Variants in MSL2 observed in about 807,000 individuals in gnomAD.
The protein encoded by MSL2 is MSL complex subunit 2.
MSL2 carries 2 observed loss-of-function variants against 35.8 expected under a neutral mutation model. The observed-to-expected ratio is 0.06, with a 90% CI of 0.02 to 0.18. MSL2 has a LOEUF of 0.18. Among genes scored for constraint, MSL2 ranks in the 10% least tolerant of loss-of-function variants. The pLI is 1.00. For missense variants in MSL2, 523 were observed against 706.7 expected, an observed-to-expected ratio of 0.74 and a Z score of 2.95; for synonymous variants, 296 against 255.7, an observed-to-expected ratio of 1.16 and a Z score of -1.50.
chr3:136,151,874 G>A lies in MSL2; in HGVS notation c.1007C>T (p.Ala336Val). Residue 336 changes from alanine to valine, a missense_variant, in exon 2 of 2, where the codon GCA (alanine) becomes GTA (valine). Ala to Val is a moderately conservative substitution (Grantham distance 64, BLOSUM62 0). Around this residue, in one of 5 missense-constraint regions of MSL2, gnomAD observed 361 missense variants for 414.6 expected, o/e 0.87. Transcript: ENST00000309993. This position sits in a 1 kb window ranked among gnomAD's most constrained non-coding sequence, Gnocchi z 5.2. ...TCTGGATCGTTTTCTATTCAATTTT[G>A]CTATCTTCGGAGTTGCTGCTGTACA... ...LSCTAATPKI[A>V]KLNRKRSRSE... 6.2e-7 allele frequency: 1 copy of A among 1,614,114 alleles called. No homozygotes were observed. The highest frequency in any genetic ancestry group is 1.1e-5 in the South Asian group (1 of 91,084).
In MSL2 at chr3:136,195,530, C is replaced by G. The variant is rs1940813339; in HGVS notation, c.-417G>C. On this transcript the variant is annotated 5_prime_UTR_variant, in exon 1 of 2. Coordinates refer to ENST00000309993, the MANE Select transcript of MSL2 (RefSeq NM_018133.4). Reference sequence around the variant, plus strand: ...GAGCTGGCAGGCGCGGGAGCAGGCCCCGGCCCCGTCTGAGGCGCGGCACGC... The same window carrying G: ...GAGCTGGCAGGCGCGGGAGCAGGCCGCGGCCCCGTCTGAGGCGCGGCACGC... 2 of 1,007,504 alleles carry G rather than the reference C, an allele frequency of 2.0e-6. No homozygotes were observed. The highest frequency in any genetic ancestry group is 6.0e-5 in the Admixed American group (1 of 16,782). The allele number at this position is 1,007,504 out of a possible 1,614,324, so 62.4% of individuals were successfully genotyped here.
chr3:136,180,480 T>A (rs988208301), intron 1 of MSL2, among the ~76,000 whole-genome samples: 5 of 151,680 alleles, frequency 3.3e-5, no homozygotes, highest in African/African-American at 4.8e-5. Flanking sequence ...GGTGGGCAGA[T>A]CACGAGATCA....
At chr3:136,182,296 T>C (rs1039469947) in intron 1 of MSL2, among the ~76,000 whole-genome samples, 1 of 152,344 alleles carries the variant, frequency 6.6e-6, no homozygotes, top group Middle Eastern at 3.4e-3. Flanking sequence ...AGTGGCTTTG[T>C]ATAAAATGTA....
chr3:136,157,058 CAA>C (rs1939552712), intron 1 of MSL2, among the ~76,000 whole-genome samples: 1 of 152,066 alleles, frequency 6.6e-6, no homozygotes, highest in East Asian at 1.9e-4. Context: ...AATAAAAAAG[CAA>C]AGTCTCAAGT....
chr3:136,194,824 G>T, intron 1 of MSL2, 148 bp downstream of exon 1: 1 of 1,286,658 alleles, frequency 7.8e-7, no homozygotes, highest in Non-Finnish European at 1.1e-6. Flanking sequence ...AAGTCCCTCA[G>T]CAAGTTTCAA....
intron 1 of MSL2, among the ~76,000 whole-genome samples, chr3:136,175,434 C>T (rs901720314): frequency 6.6e-6 from 1 of 151,778 alleles, no homozygotes; most frequent in Non-Finnish European, 1.5e-5. Flanking sequence ...ACTTACAATA[C>T]CAGCATTTTG....
chr3:136,188,439 G>GA (rs35989218), intron 1 of MSL2, among the ~76,000 whole-genome samples: 2,988 of 101,298 alleles, frequency 0.029, 91 homozygotes, highest in Admixed American at 0.11. Context: ...TCTGGAAGAA[G>GA]AAAAAAAAAA....
intron 1 of MSL2, among the ~76,000 whole-genome samples, chr3:136,177,981 C>G (rs1940230513): frequency 1.3e-5 from 2 of 152,038 alleles, no homozygotes. Context: ...TTGGGTAAGT[C>G]AGTACTTTAT....
Position 136,195,053 on chromosome 3 carries a change from C to A in MSL2, c.61G>T (p.Asp21Tyr). ...ISASRLVLNY[D>Y]PGDPKAFTEI... ...GTAAACGCCTTGGGGTCTCCGGGGTCGTAGTTGAGCACTAGGCGGCTCGCG... is the reference window on the plus strand; with the variant it reads ...GTAAACGCCTTGGGGTCTCCGGGGTAGTAGTTGAGCACTAGGCGGCTCGCG... The change falls in exon 1 of 2, where the codon GAC becomes TAC. Residue 21 changes from aspartate (D) to tyrosine (Y), a missense_variant. Asp to Tyr is a radical substitution (Grantham distance 160). Around this residue, in one of 5 missense-constraint regions of MSL2, gnomAD observed 45 missense variants for 47.5 expected, o/e 0.95. Coordinates refer to ENST00000309993, the MANE Select transcript of MSL2 (RefSeq NM_018133.4). 6.2e-7 allele frequency: 1 copy of A among 1,614,054 alleles called. No homozygotes were observed. Among genetic ancestry groups the A allele is most frequent in the South Asian group, 1.1e-5 (1 of 91,064 alleles).
Position 136,193,819 on chromosome 3 carries a change from GACTT to G in MSL2, c.142+1149_142+1152del, listed in dbSNP as rs1200703239. Among the ~76,000 whole-genome samples, 5 of 152,208 alleles carry G rather than the reference GACTT, an allele frequency of 3.3e-5. No homozygotes were observed. In the East Asian group the frequency reaches 9.7e-4, roughly 29 times the overall value. ...GTCACCAGTCAGAGTAGCACTTAAT[GACTT>G]ACTCAGTTACTTAAATGTTTATGAC... On this transcript the variant is annotated intron_variant, in intron 1 of 1. Transcript: ENST00000309993.
intron 1 of MSL2, among the ~76,000 whole-genome samples, chr3:136,153,689 C>G (rs1343777101): frequency 1.3e-5 from 2 of 151,936 alleles, no homozygotes; most frequent in East Asian, 1.9e-4. Flanking sequence ...GCTAGGGAGG[C>G]TGAGGCAGGA....
chr3:136,167,231 C>CT (rs1939877417), intron 1 of MSL2, among the ~76,000 whole-genome samples: 1 of 151,912 alleles, frequency 6.6e-6, no homozygotes, highest in Admixed American at 6.6e-5. Flanking sequence ...CAACAAGAGA[C>CT]TTTATCAATC....
chr3:136,195,408 G>C lies in MSL2; in HGVS notation c.-295C>G. On this transcript the variant is annotated 5_prime_UTR_variant, in exon 1 of 2. Coordinates refer to ENST00000309993, the MANE Select transcript of MSL2 (RefSeq NM_018133.4). ...GAGCGCAGAACGCGGCGGCTTGGGC[G>C]CTCGGGGCGGGACTCGGAGCTCAGT... The C allele has an allele frequency of 8.8e-7, 1 of 1,135,886 alleles. No homozygotes were observed. The highest frequency in any genetic ancestry group is 2.5e-5 in the South Asian group (1 of 40,672). 70.4% of individuals were successfully genotyped at this position (1,135,886 alleles called of 1,614,324 possible).
intron 1 of MSL2, among the ~76,000 whole-genome samples, chr3:136,169,626 T>G (rs1486808736): frequency 6.6e-6 from 1 of 151,982 alleles, no homozygotes; most frequent in Non-Finnish European, 1.5e-5. Flanking sequence ...TATTTTGTAT[T>G]TTTAGTAGAG....
intron 1 of MSL2, among the ~76,000 whole-genome samples, chr3:136,157,012 A>G (rs1260305697): frequency 1.3e-5 from 2 of 152,266 alleles, no homozygotes; most frequent in Admixed American, 6.5e-5. Flanking sequence ...CACACTGTAT[A>G]TATGTGTATG....
chr3:136,149,601 GAAAA>G lies in MSL2; in HGVS notation c.*1542_*1545del, dbSNP rs779316763. The stretch of plus-strand genomic sequence containing the variant: ...CCAAAAGAGACCAAAAAAAAAAAAA[GAAAA>G]AAAAGCCCAACAACAACAACAAAAA... On this transcript the variant is annotated 3_prime_UTR_variant, in exon 2 of 2. Coordinates refer to ENST00000309993, the MANE Select transcript of MSL2 (RefSeq NM_018133.4). The G allele has an allele frequency of 1.4e-3, 33 of 23,804 alleles. No homozygotes were observed. The highest frequency in any genetic ancestry group is 5.3e-3 in the African/African-American group (31 of 5,884). 1.5% of individuals were successfully genotyped at this position (23,804 alleles called of 1,614,324 possible). A position where few individuals can be genotyped will look rare whatever the true frequency, so the allele number is the denominator to read the frequency against.
At chr3:136,158,790 A>C (rs903793993) in intron 1 of MSL2, among the ~76,000 whole-genome samples, 1 of 152,258 alleles carries the variant, frequency 6.6e-6, no homozygotes, top group Non-Finnish European at 1.5e-5. Flanking sequence ...CAATATATAC[A>C]AAAGTCCACT....
intron 1 of MSL2, among the ~76,000 whole-genome samples, chr3:136,180,679 G>A (rs892457888): frequency 2.0e-5 from 3 of 148,408 alleles, no homozygotes; most frequent in Non-Finnish European, 3.0e-5. Flanking sequence ...CAGCCTGGGC[G>A]ACAGAGCAAG....
At chr3:136,190,425 G>A (rs1189109617) in intron 1 of MSL2, among the ~76,000 whole-genome samples, 7 of 151,830 alleles carry the variant, frequency 4.6e-5, no homozygotes, top group Non-Finnish European at 8.8e-5. Flanking sequence ...GTGTGGTGGC[G>A]CACACCTGTA....
Sources: gnomAD v4.1 joint callset for allele counts (sites outside exome capture counted in the v4.1 genomes callset) on GRCh38, gnomAD v4.1.1 for gene constraint, gnomAD v4.1.1 regional missense constraint, Gnocchi (gnomAD v3.1) non-coding constraint, MANE v1.5 for transcripts, NCBI Gene and HGNC (gene_info 2026-07-23, HGNC 2026-07-21) for gene names.